CFAP53: variants seen among roughly 807,000 people sequenced by gnomAD.
The protein encoded by CFAP53 is cilia and flagella associated protein 53.
CFAP53 carries 62 observed loss-of-function variants against 59.7 expected under a neutral mutation model. The observed-to-expected ratio is 1.04, with a 90% CI of 0.85 to 1.28. The LOEUF (loss-of-function observed/expected upper bound fraction) is 1.28. Among genes scored for constraint, CFAP53 ranks in the 50% most tolerant of loss-of-function variants. The pLI, the probability that CFAP53 is intolerant of heterozygous loss-of-function variation, is 0.00. For synonymous variants in CFAP53, 218 were observed against 205.7 expected, an observed-to-expected ratio of 1.06 and a Z score of -0.51; for missense variants, 629 against 615.6, an observed-to-expected ratio of 1.02 and a Z score of -0.23.
rs1286600034 is a variant in CFAP53, at chr18:50,250,583, T to A, written c.996+175A>T. ...CATGATTTTGATTGGGAGATCCTGA[T>A]TCTGGAGCCTGGGAATTTCTGTTTC... On this transcript the variant is annotated intron_variant, in intron 5 of 7. Transcript: ENST00000398545. Among the ~76,000 whole-genome samples the A allele has an allele frequency of 3.3e-5, 5 of 152,314 alleles. No homozygotes were observed. In the East Asian group the frequency reaches 9.6e-4, roughly 29 times the overall value.
In CFAP53 at chr18:50,236,628, G is replaced by A. The variant is rs369782096; in HGVS notation, c.1316+1975C>T. 1.2e-4 allele frequency among the ~76,000 whole-genome samples: 19 copies of A among 152,298 alleles called. No homozygotes were observed. The East Asian group carries it at 2.9e-3, about 23-fold the overall frequency. ...ATCACATGGAGAGCCCACACATAGG[G>A]GTTCCAGGTGACAACTAAAACTCCT... On this transcript the variant is annotated intron_variant, in intron 7 of 7. Coordinates refer to ENST00000398545, the MANE Select transcript of CFAP53 (RefSeq NM_145020.5).
intron 7 of CFAP53, among the ~76,000 whole-genome samples, chr18:50,228,844 C>T (rs532913088): frequency 4.0e-5 from 6 of 151,792 alleles, no homozygotes; most frequent in Admixed American, 3.9e-4. Context: ...ATAGGTCATA[C>T]ACCTAATAAT....
At chr18:50,246,848 C>T (rs1172101227) in intron 5 of CFAP53, among the ~76,000 whole-genome samples, 1 of 151,558 alleles carries the variant, frequency 6.6e-6, no homozygotes, top group Non-Finnish European at 1.5e-5. Flanking sequence ...GAGTTCAAGA[C>T]CAGCCTGGCC....
At chr18:50,256,601 C>T (rs781562129) in intron 3 of CFAP53, 1 of 152,162 alleles carries the variant, frequency 6.6e-6, no homozygotes, top group Non-Finnish European at 1.5e-5. Flanking sequence ...GCAGCTGCAT[C>T]TGCAACTTTT....
At chr18:50,260,074 A>G (rs566397948) in intron 3 of CFAP53, among the ~76,000 whole-genome samples, 1 of 152,330 alleles carries the variant, frequency 6.6e-6, no homozygotes, top group South Asian at 2.1e-4. Flanking sequence ...AACACTATAG[A>G]TCATCTCCAG....
intron 7 of CFAP53, among the ~76,000 whole-genome samples, chr18:50,235,683 G>A (rs1374038519): frequency 6.6e-6 from 1 of 152,210 alleles, no homozygotes; most frequent in Non-Finnish European, 1.5e-5. Flanking sequence ...TGTTACTGCA[G>A]TGAGGGTATC....
At chr18:50,230,465 C>T (rs113428914) in intron 7 of CFAP53, among the ~76,000 whole-genome samples, 60 of 152,336 alleles carry the variant, frequency 3.9e-4, no homozygotes, top group African/African-American at 1.3e-3. Flanking sequence ...GCAGAGAGCA[C>T]GGAAGCCCCT....
chr18:50,257,962 G>A (rs1197763752), intron 3 of CFAP53, among the ~76,000 whole-genome samples: 1 of 152,146 alleles, frequency 6.6e-6, no homozygotes, highest in Non-Finnish European at 1.5e-5. Context: ...CCTAACCTGG[G>A]AGGCAGAGGT....
At chr18:50,232,567 T>C (rs1216016377) in intron 7 of CFAP53, among the ~76,000 whole-genome samples, 1 of 152,206 alleles carries the variant, frequency 6.6e-6, no homozygotes. Flanking sequence ...CCTGGCTTAC[T>C]CTCTCTGCCA....
chr18:50,238,166 A>G (rs1055874201), intron 7 of CFAP53, among the ~76,000 whole-genome samples: 2 of 152,258 alleles, frequency 1.3e-5, no homozygotes, highest in Non-Finnish European at 2.9e-5. Flanking sequence ...AACTGCTTTG[A>G]GCGTCTAGAA....
At chr18:50,254,847 C>T (rs779861642) in intron 3 of CFAP53, among the ~76,000 whole-genome samples, 3 of 152,310 alleles carry the variant, frequency 2.0e-5, no homozygotes, top group South Asian at 2.1e-4. Flanking sequence ...GCCGAGATCA[C>T]GCCATTTCAT....
At chr18:50,245,772 C>T (rs1198718228) in intron 5 of CFAP53, among the ~76,000 whole-genome samples, 1 of 152,216 alleles carries the variant, frequency 6.6e-6, no homozygotes, top group Non-Finnish European at 1.5e-5. Flanking sequence ...CATGTAACTT[C>T]CAGATACCTG....
At chr18:50,257,849 G>C (rs749434145) in intron 3 of CFAP53, among the ~76,000 whole-genome samples, 1 of 152,154 alleles carries the variant, frequency 6.6e-6, no homozygotes, top group African/African-American at 2.4e-5. Context: ...GGGCAACATA[G>C]GGAAACCCCG....
At chr18:50,227,727 G>T in intron 7 of CFAP53, 118 bp from the exon 8 acceptor site, 1 of 758,876 alleles carries the variant, frequency 1.3e-6, no homozygotes. Context: ...TAAAATCAGG[G>T]TGAGTGGAGA....
chr18:50,266,254 G>C lies in CFAP53; in HGVS notation c.69+82C>G, dbSNP rs978379639. On this transcript the variant is annotated intron_variant, in intron 1 of 7. Transcript: ENST00000398545. ...TTCCCCTCGAGAAGGCCCCGGGTGG[G>C]GGCCGAAGTGGGATAGGCCAGGCCT... is the stretch of plus-strand genomic sequence containing the variant. The C allele has an allele frequency of 2.9e-6, 4 of 1,361,244 alleles. No individual in the cohort carries two copies. In the African/African-American group the frequency reaches 4.3e-5, roughly 15 times the overall value. 84.3% of individuals were successfully genotyped at this position (1,361,244 alleles called of 1,614,324 possible).
chr18:50,241,610 G>A (rs370251134), intron 6 of CFAP53, among the ~76,000 whole-genome samples: 1 of 152,068 alleles, frequency 6.6e-6, no homozygotes, highest in Non-Finnish European at 1.5e-5. Context: ...TTATAGCTGG[G>A]CCTCTGGGAT....
At chr18:50,233,927 T>C (rs1421192090) in intron 7 of CFAP53, among the ~76,000 whole-genome samples, 1 of 152,194 alleles carries the variant, frequency 6.6e-6, no homozygotes, top group African/African-American at 2.4e-5. Flanking sequence ...CTCATGGCAA[T>C]CATCCACTGT....
intron 5 of CFAP53, among the ~76,000 whole-genome samples, chr18:50,250,182 G>T (rs1164659839): frequency 1.4e-5 from 2 of 142,586 alleles, no homozygotes; most frequent in African/African-American, 5.3e-5. Flanking sequence ...TTATGCCACT[G>T]CACTCCAGCC....
intron 3 of CFAP53, chr18:50,255,933 A>G (rs1002931195): frequency 1.3e-5 from 2 of 152,146 alleles, no homozygotes; most frequent in East Asian, 1.9e-4. Flanking sequence ...AGCCTCAACT[A>G]TATTTTCAGT....
Sources: allele counts gnomAD v4.1 joint callset (sites outside exome capture counted in the v4.1 genomes callset), GRCh38; gene constraint gnomAD v4.1.1; transcripts MANE v1.5; gene names NCBI Gene and HGNC (gene_info 2026-07-23, HGNC 2026-07-21).